The following ESR1 variants were observed in gnomAD, a reference collection of about 807,000 sequenced individuals.
ESR1 encodes estrogen receptor.
Under a neutral mutation model 52.7 loss-of-function variants are expected in ESR1, and 12 were observed. The observed-to-expected ratio is 0.23, with a 90% CI of 0.15 to 0.37. The LOEUF is 0.37. Ranked by LOEUF, ESR1 falls within the 10% of genes least tolerant of loss-of-function variation. The pLI, the probability that ESR1 is intolerant of heterozygous loss-of-function variation, is 1.00. For synonymous variants in ESR1, 305 were observed against 316.8 expected (o/e 0.96, Z 0.39); for missense variants, 584 against 779.7 (o/e 0.75, Z 2.99).
intron 3 of ESR1, among the ~76,000 whole-genome samples, chr6:151,890,552 C>T (rs545961052): frequency 4.6e-5 from 7 of 152,180 alleles, no homozygotes; most frequent in South Asian, 2.1e-4. Context: ...ATTTTCTGTC[C>T]GAATAATCTG....
chr6:152,010,971 T>A (rs1175110820), intron 4 of ESR1, among the ~76,000 whole-genome samples: 1 of 151,418 alleles, frequency 6.6e-6, no homozygotes, highest in African/African-American at 2.4e-5. Flanking sequence ...TCCTTCTCAT[T>A]ATTGTTATTA....
intron 5 of ESR1, among the ~76,000 whole-genome samples, chr6:152,046,847 G>C (rs2046269976): frequency 1.3e-5 from 2 of 152,144 alleles, no homozygotes; most frequent in Non-Finnish European, 2.9e-5. Context: ...GCAATTCTAA[G>C]AGGAAGGGAG....
At chr6:152,047,688 C>T (rs1004750047) in intron 5 of ESR1, among the ~76,000 whole-genome samples, 1 of 152,116 alleles carries the variant, frequency 6.6e-6, no homozygotes, top group African/African-American at 2.4e-5. Context: ...CTGATTTGGC[C>T]CCTAAGCAAT....
intron 5 of ESR1, among the ~76,000 whole-genome samples, chr6:152,035,389 C>T (rs2045200966): frequency 6.6e-6 from 1 of 151,612 alleles, no homozygotes; most frequent in Non-Finnish European, 1.5e-5. Context: ...ATAGCAGGAG[C>T]TCTGTAGAAA....
intron 4 of ESR1, among the ~76,000 whole-genome samples, chr6:151,953,249 C>T (rs974377865): frequency 1.3e-5 from 2 of 152,072 alleles, no homozygotes; most frequent in African/African-American, 2.4e-5. Context: ...GCTAACCTCT[C>T]TGTGCCCTAA....
chr6:151,791,474 C>T (rs1353169282), intron 2 of ESR1, among the ~76,000 whole-genome samples: 1 of 152,198 alleles, frequency 6.6e-6, no homozygotes, highest in Non-Finnish European at 1.5e-5. Context: ...GTCCATTAAA[C>T]CTCTTTCCTT....
At chr6:151,705,462 A>G (rs1562342746) in intron 2 of ESR1, among the ~76,000 whole-genome samples, 1 of 152,222 alleles carries the variant, frequency 6.6e-6, no homozygotes, top group Non-Finnish European at 1.5e-5. Flanking sequence ...GAAAAGATGG[A>G]AAGAAGATGA....
At chr6:151,704,958 A>T (rs1780075203) in intron 2 of ESR1, among the ~76,000 whole-genome samples, 1 of 150,414 alleles carries the variant, frequency 6.6e-6, no homozygotes, top group Non-Finnish European at 1.5e-5. Flanking sequence ...TCCTTCAGAA[A>T]CTTCAGGATC....
chr6:151,850,058 AATTT>A (rs1786186514), intron 2 of ESR1, among the ~76,000 whole-genome samples: 1 of 48,200 alleles, frequency 2.1e-5, no homozygotes, highest in South Asian at 5.9e-4. Flanking sequence ...ATATATATAT[AATTT>A]TATATATATA....
chr6:151,717,204 C>A (rs1047114371), intron 2 of ESR1, among the ~76,000 whole-genome samples: 1 of 152,150 alleles, frequency 6.6e-6, no homozygotes, highest in African/African-American at 2.4e-5. Flanking sequence ...CTAACCAGTC[C>A]CAATGAGATG....
intron 1 of ESR1, among the ~76,000 whole-genome samples, chr6:151,664,039 A>G (rs2115212070): frequency 6.6e-6 from 1 of 152,240 alleles, no homozygotes; most frequent in South Asian, 2.1e-4. Context: ...CAGTGTTTCC[A>G]CTGCCCTTTG....
chr6:151,826,303 G>A (rs896299144), intron 1 of ESR1, among the ~76,000 whole-genome samples: 8 of 152,162 alleles, frequency 5.3e-5, no homozygotes, highest in African/African-American at 1.9e-4. Flanking sequence ...ACATAAGAGC[G>A]AATGAGTTAC....
chr6:151,658,573 A>C (rs2115188918), intron 1 of ESR1, among the ~76,000 whole-genome samples: 1 of 152,350 alleles, frequency 6.6e-6, no homozygotes, highest in African/African-American at 2.4e-5. Context: ...GTTGGATGCC[A>C]ATATGAAGTG....
intron 4 of ESR1, among the ~76,000 whole-genome samples, chr6:152,001,720 G>A (rs190468783): frequency 1.8e-3 from 272 of 152,122 alleles, no homozygotes; most frequent in Non-Finnish European, 3.1e-3. Flanking sequence ...AAGTTCAGTG[G>A]TTACTGACTT....
At chr6:151,710,698 T>G (rs1466009543) in intron 2 of ESR1, among the ~76,000 whole-genome samples, 1 of 152,136 alleles carries the variant, frequency 6.6e-6, no homozygotes, top group Non-Finnish European at 1.5e-5. Flanking sequence ...CATTAAGTAT[T>G]TCTCCTATTG....
intron 4 of ESR1, among the ~76,000 whole-genome samples, chr6:151,982,207 G>A (rs1200588607): frequency 2.0e-5 from 3 of 152,228 alleles, no homozygotes; most frequent in Non-Finnish European, 1.5e-5. Context: ...GGGAAAAAGA[G>A]GGATGAGACC....
At chr6:152,125,530 A>C in exon 7 of ESR1, 1 of 781,544 alleles carries the variant, frequency 1.3e-6, no homozygotes, top group Non-Finnish European at 1.8e-6. Flanking sequence ...GAAGGATAGG[A>C]TAGCTACCCA....
intron 1 of ESR1, among the ~76,000 whole-genome samples, chr6:151,819,272 G>A (rs1475338627): frequency 1.3e-5 from 2 of 152,070 alleles, no homozygotes; most frequent in Non-Finnish European, 2.9e-5. Flanking sequence ...CATTTTAGTT[G>A]TAAATAGAGT....
chr6:151,865,939 GT>G (rs1289251532), intron 2 of ESR1, among the ~76,000 whole-genome samples: 1 of 152,230 alleles, frequency 6.6e-6, no homozygotes, highest in African/African-American at 2.4e-5. Context: ...GCTTTCTGAT[GT>G]GGGGCGCATC....
Sources: gnomAD v4.1 joint callset for allele counts (sites outside exome capture counted in the v4.1 genomes callset) on GRCh38, gnomAD v4.1.1 for gene constraint, MANE v1.5 for transcripts, NCBI Gene and HGNC (gene_info 2026-07-23, HGNC 2026-07-21) for gene names.